Variants in CCNY observed in about 807,000 individuals in gnomAD.
CCNY encodes cyclin-Y.
Under a neutral mutation model 42.8 loss-of-function variants are expected in CCNY, and 19 were observed. That is an observed-to-expected ratio of 0.44 (90% CI 0.31 to 0.65). The LOEUF (loss-of-function observed/expected upper bound fraction) is 0.65. Ranked by LOEUF, CCNY falls within the 30% of genes least tolerant of loss-of-function variation. The pLI is 0.07. For missense variants in CCNY, 370 were observed against 437.3 expected, an observed-to-expected ratio of 0.85 and a Z score of 1.37; for synonymous variants, 165 against 162.7, an observed-to-expected ratio of 1.01 and a Z score of -0.11.
chr10:35,368,622 A>G (rs1220373877), intron 1 of CCNY, among the ~76,000 whole-genome samples: 1 of 138,874 alleles, frequency 7.2e-6, no homozygotes, highest in African/African-American at 2.9e-5. Context: ...CCAGAGACAC[A>G]GTGACTCCTC....
At position 35,570,930 on chromosome 10, in the gene CCNY, A is replaced by G. The variant is rs1841673574; in HGVS notation, c.*1760A>G. 1 of 152,378 alleles carries G rather than the reference A, an allele frequency of 6.6e-6. No individual in the cohort carries two copies. Among genetic ancestry groups the G allele is most frequent in the Non-Finnish European group, 1.5e-5 (1 of 68,038 alleles). The allele number at this position is 152,378 out of a possible 1,614,324, so 9.4% of individuals were successfully genotyped here. A position where few individuals can be genotyped will look rare whatever the true frequency, so the allele number is the denominator to read the frequency against. On this transcript the variant is annotated 3_prime_UTR_variant, in exon 10 of 10. Coordinates refer to ENST00000374704, the MANE Select transcript of CCNY (RefSeq NM_145012.6). ...ACTTTCAAAAGCAAATAAACAGCAT[A>G]TAAAACGTTAATTATCTTTCCATTG...
At chr10:35,422,286 G>A (rs1049473159) in intron 1 of CCNY, among the ~76,000 whole-genome samples, 6 of 151,966 alleles carry the variant, frequency 3.9e-5, no homozygotes, top group African/African-American at 1.2e-4. Context: ...CCTTGATCCC[G>A]GGATGAGTTA....
chr10:35,556,192 A>G (rs1841359280), intron 8 of CCNY, among the ~76,000 whole-genome samples: 1 of 152,174 alleles, frequency 6.6e-6, no homozygotes, highest in Admixed American at 6.5e-5. Flanking sequence ...TGGGCAAAGG[A>G]AGGAGGCATT....
intron 1 of CCNY, among the ~76,000 whole-genome samples, chr10:35,372,272 G>A (rs1352754560): frequency 1.3e-5 from 2 of 152,202 alleles, no homozygotes; most frequent in Admixed American, 1.3e-4. Context: ...CATTCAGGTG[G>A]CTTCATTTTT....
intron 1 of CCNY, among the ~76,000 whole-genome samples, chr10:35,340,018 A>G (rs567164761): frequency 3.9e-5 from 6 of 152,324 alleles, no homozygotes; most frequent in East Asian, 3.9e-4. Flanking sequence ...ATTGCAGCCT[A>G]TGTATTACTT....
At chr10:35,413,820 A>G (rs936544801) in intron 1 of CCNY, among the ~76,000 whole-genome samples, 1 of 152,144 alleles carries the variant, frequency 6.6e-6, no homozygotes, top group Admixed American at 6.5e-5. Flanking sequence ...GAAGCGGGAA[A>G]TGCGGTAGAG....
At chr10:35,554,908 A>ACTCT (rs1841332376) in intron 8 of CCNY, among the ~76,000 whole-genome samples, 1 of 152,250 alleles carries the variant, frequency 6.6e-6, no homozygotes. Context: ...GGTGTGGAGG[A>ACTCT]GATGCCTTTT....
At chr10:35,298,691 T>A (rs1835499350) in intron 3 of CCNY, among the ~76,000 whole-genome samples, 1 of 152,110 alleles carries the variant, frequency 6.6e-6, no homozygotes, top group South Asian at 2.1e-4. Flanking sequence ...TAATTTTTTT[T>A]ATTTAATTTT....
chr10:35,561,138 A>AT (rs1841457808), intron 8 of CCNY, among the ~76,000 whole-genome samples: 1 of 152,160 alleles, frequency 6.6e-6, no homozygotes, highest in Non-Finnish European at 1.5e-5. Context: ...GTGTCCCAGA[A>AT]TGAGGGAGGT....
At chr10:35,333,788 GGTTACT>G (rs2135107312), upstream of CCNY, among the ~76,000 whole-genome samples, 1 of 152,256 alleles carries the variant, frequency 6.6e-6, no homozygotes, top group African/African-American at 2.4e-5. Context: ...GCTCAGAGTT[GGTTACT>G]GTTCTGCAAT....
intron 1 of CCNY, 74 bp downstream of exon 1, chr10:35,337,281 C>CT: frequency 7.4e-7 from 1 of 1,356,588 alleles, no homozygotes. Context: ...GGCGGCCCGG[C>CT]TGCTCTTGCT....
At chr10:35,418,421 C>T (rs1474024232) in intron 1 of CCNY, among the ~76,000 whole-genome samples, 1 of 152,184 alleles carries the variant, frequency 6.6e-6, no homozygotes, top group Non-Finnish European at 1.5e-5. Flanking sequence ...TAGAAAAAAA[C>T]ATGCCCTTGC....
At chr10:35,320,332 T>C (rs1053365422) in intron 3 of CCNY, among the ~76,000 whole-genome samples, 1 of 152,210 alleles carries the variant, frequency 6.6e-6, no homozygotes, top group Non-Finnish European at 1.5e-5. Context: ...AAAATCAACA[T>C]ACCTACCATA....
chr10:35,431,845 T>G (rs1838418868), intron 1 of CCNY, among the ~76,000 whole-genome samples: 1 of 152,098 alleles, frequency 6.6e-6, no homozygotes, highest in African/African-American at 2.4e-5. Context: ...TTTTTGTTGT[T>G]TTTTTCTCCT....
chr10:35,535,088 A>G (rs1000496401), intron 7 of CCNY, among the ~76,000 whole-genome samples: 1 of 150,796 alleles, frequency 6.6e-6, no homozygotes, highest in East Asian at 2.0e-4. Context: ...GGAGTGAACA[A>G]AGGAGGATGA....
In CCNY at chr10:35,361,072, T is replaced by C. The variant is rs180926583; in HGVS notation, c.154+23865T>C. ...CGGGGTTTCGTCATGTTGGTCAGGC[T>C]GGTCTCGAACTCCTGGCCTTGTGAT... On this transcript the variant is annotated intron_variant, in intron 1 of 9. Transcript: ENST00000374704. Among the ~76,000 whole-genome samples the C allele has an allele frequency of 2.9e-3, 445 of 152,160 alleles. 3 individuals carry two copies. The highest frequency in any genetic ancestry group is 6.8e-3 in the Middle Eastern group (2 of 294).
chr10:35,464,181 C>T lies in CCNY; in HGVS notation c.155-19223C>T, dbSNP rs1327044095. On this transcript the variant is annotated intron_variant, in intron 1 of 9. Transcript: ENST00000374704. ...CCGCCGAACTGGGTCTTCCAGCTCC[C>T]TCCTCTGTGCCTTAGCCCAGTGCAT... Among the ~76,000 whole-genome samples the T allele has an allele frequency of 4.6e-5, 7 of 152,206 alleles. No individual in the cohort carries two copies. The South Asian group carries it at 1.4e-3, about 31-fold the overall frequency.
At chr10:35,509,013 T>C (rs1840268711) in intron 3 of CCNY, among the ~76,000 whole-genome samples, 2 of 152,222 alleles carry the variant, frequency 1.3e-5, no homozygotes. Context: ...GAGTGGCTTC[T>C]TTCACTTAGC....
chr10:35,524,365 TTCAACTA>T (rs1840607182), intron 4 of CCNY, among the ~76,000 whole-genome samples: 1 of 152,226 alleles, frequency 6.6e-6, no homozygotes, highest in African/African-American at 2.4e-5. Context: ...CATGAGTACT[TTCAACTA>T]GGCTGAAGTC....
Sources: gnomAD v4.1 joint callset for allele counts (sites outside exome capture counted in the v4.1 genomes callset) on GRCh38, gnomAD v4.1.1 for gene constraint, MANE v1.5 for transcripts, NCBI Gene and HGNC (gene_info 2026-07-23, HGNC 2026-07-21) for gene names.